Variants in BEND4 observed in about 807,000 individuals in gnomAD.
BEND4 encodes BEN domain-containing protein 4.
In BEND4, 27 loss-of-function variants were observed where a neutral mutation model predicts 54.7. The ratio of observed to expected loss-of-function variants is 0.49; its 90% CI spans 0.36 to 0.68. The LOEUF (loss-of-function observed/expected upper bound fraction) is 0.68. BEND4 is among the 30% of genes least tolerant of loss of function. The pLI is 0.00. For missense variants in BEND4, 702 were observed against 697.2 expected (o/e 1.01, Z -0.08); for synonymous variants, 327 against 299.5 (o/e 1.09, Z -0.95).
At chr4:42,123,694 G>GAAAAAAAAAAACAAAAAA (rs1553921966) in intron 4 of BEND4, among the ~76,000 whole-genome samples, 9 of 50,782 alleles carry the variant, frequency 1.8e-4, no homozygotes, top group Non-Finnish European at 2.3e-4. Flanking sequence ...CTGTAATTCA[G>GAAAAAAAAAAACAAAAAA]AAAAAAAAAA....
At chr4:42,121,362 C>T (rs1257627592) in intron 4 of BEND4, among the ~76,000 whole-genome samples, 3 of 152,212 alleles carry the variant, frequency 2.0e-5, no homozygotes, top group Non-Finnish European at 4.4e-5. Context: ...AGACTCATCA[C>T]GGCAGCATTC....
At chr4:42,138,858 C>A (rs1157191212) in intron 3 of BEND4, among the ~76,000 whole-genome samples, 1 of 152,136 alleles carries the variant, frequency 6.6e-6, no homozygotes, top group Admixed American at 6.5e-5. Flanking sequence ...GAGTTTTTCA[C>A]ATTTAGTATC....
chr4:42,130,997 A>G (rs1349793809), intron 3 of BEND4, among the ~76,000 whole-genome samples: 2 of 152,188 alleles, frequency 1.3e-5, no homozygotes, highest in Non-Finnish European at 2.9e-5. Flanking sequence ...GTTCTCACTC[A>G]TAAGTGTGAG....
rs912229491 is a variant in BEND4, at chr4:42,130,296, C to T, written c.1055-4622G>A. Among the ~76,000 whole-genome samples the T allele has an allele frequency of 7.9e-5, 12 of 151,976 alleles. No homozygotes were observed. In the East Asian group the frequency reaches 1.6e-3, roughly 20 times the overall value. ...GAGATCGAGACCATCCCAGCTAACA[C>T]GGTGAAACCCCATCTCTACTAAAAA... On this transcript the variant is annotated intron_variant, in intron 3 of 5. Coordinates refer to ENST00000502486, the MANE Select transcript of BEND4 (RefSeq NM_207406.4).
chr4:42,152,209 G>A lies in BEND4; in HGVS notation c.-66C>T. On this transcript the variant is annotated 5_prime_UTR_variant, in exon 2 of 6. Transcript: ENST00000502486. ...CCGCCGGGCGCCGGGCTCCGAGGGT[G>A]CCTCCGCCGCCTGCCCGCCGGGTCT... 8.2e-7 allele frequency: 1 copy of A among 1,225,178 alleles called. No homozygotes were observed. Among genetic ancestry groups the A allele is most frequent in the Non-Finnish European group, 1.0e-6 (1 of 976,932 alleles). 75.9% of individuals were successfully genotyped at this position (1,225,178 alleles called of 1,614,324 possible). A position where few individuals can be genotyped will look rare whatever the true frequency, so the allele number is the denominator to read the frequency against.
chr4:42,141,277 C>G (rs1720870912), intron 3 of BEND4, among the ~76,000 whole-genome samples: 1 of 152,218 alleles, frequency 6.6e-6, no homozygotes, highest in East Asian at 1.9e-4. Flanking sequence ...ATGTTCTGAA[C>G]CAAGCCTCAG....
chr4:42,137,907 C>T (rs568688880), intron 3 of BEND4, among the ~76,000 whole-genome samples: 1 of 152,252 alleles, frequency 6.6e-6, no homozygotes, highest in Admixed American at 6.5e-5. Flanking sequence ...CACTTGACAC[C>T]AGTTAGGATG....
intron 3 of BEND4, among the ~76,000 whole-genome samples, chr4:42,140,883 A>G (rs989119443): frequency 3.3e-5 from 5 of 152,202 alleles, no homozygotes; most frequent in African/African-American, 1.2e-4. Flanking sequence ...GTGGCTGATG[A>G]AAGTCTCTGT....
In BEND4 at chr4:42,151,638, T is replaced by C. The variant is rs1435157300; in HGVS notation, c.487+19A>G. ...CCCCCGGCCGTGGCGGGAAGGAAAGTTGTGCGGAGAGTTGGTACCTGCGCT... is the reference window on the plus strand; with the variant it reads ...CCCCCGGCCGTGGCGGGAAGGAAAGCTGTGCGGAGAGTTGGTACCTGCGCT... On this transcript the variant is annotated intron_variant, in intron 2 of 5. Transcript: ENST00000502486. The C allele has an allele frequency of 3.5e-6, 5 of 1,449,252 alleles. No individual in the cohort carries two copies. The highest frequency in any genetic ancestry group is 4.5e-6 in the Non-Finnish European group (5 of 1,108,156). 89.8% of individuals were successfully genotyped at this position (1,449,252 alleles called of 1,614,324 possible). A position where few individuals can be genotyped will look rare whatever the true frequency, so the allele number is the denominator to read the frequency against.
At chr4:42,147,848 T>C (rs552034323) in intron 2 of BEND4, among the ~76,000 whole-genome samples, 12 of 152,230 alleles carry the variant, frequency 7.9e-5, no homozygotes, top group South Asian at 4.2e-4. Flanking sequence ...GGATGGGAAG[T>C]AGGCAATCAA....
At chr4:42,123,827 C>T (rs943161164) in intron 4 of BEND4, among the ~76,000 whole-genome samples, 5 of 151,628 alleles carry the variant, frequency 3.3e-5, no homozygotes, top group Admixed American at 6.6e-5. Flanking sequence ...AATTCTTAGA[C>T]GTAGGAAGTA....
chr4:42,146,149 G>T (rs1014857606), intron 2 of BEND4, among the ~76,000 whole-genome samples: 1 of 152,118 alleles, frequency 6.6e-6, no homozygotes, highest in Admixed American at 6.5e-5. Flanking sequence ...CAAGATCCAA[G>T]AATTCCCCAC....
In BEND4 at chr4:42,116,999, T is replaced by C. The variant is rs1377311847; in HGVS notation, c.*519A>G. On this transcript the variant is annotated 3_prime_UTR_variant, in exon 6 of 6. Transcript: ENST00000502486. ...TCTGGTTTCCTTTTAGTAATAGACA[T>C]TATTAATGTCAAAATGGTATATGAT... is the stretch of plus-strand genomic sequence containing the variant. 2 of 152,428 alleles carry C rather than the reference T, an allele frequency of 1.3e-5. No homozygotes were observed. Among genetic ancestry groups the C allele is most frequent in the African/African-American group, 4.8e-5 (2 of 41,464 alleles). 9.4% of individuals were successfully genotyped at this position (152,428 alleles called of 1,614,324 possible).
chr4:42,118,916 T>A (rs1399522086), intron 5 of BEND4, among the ~76,000 whole-genome samples: 2 of 152,210 alleles, frequency 1.3e-5, no homozygotes, highest in Non-Finnish European at 2.9e-5. Context: ...GGAGGTGTGC[T>A]GGAGCACTTG....
intron 3 of BEND4, among the ~76,000 whole-genome samples, chr4:42,141,335 T>C (rs1313489392): frequency 6.6e-6 from 1 of 152,244 alleles, no homozygotes; most frequent in African/African-American, 2.4e-5. Context: ...TTTTGTTTCC[T>C]TGGTCTACTA....
In BEND4 at chr4:42,120,289, G is replaced by C. The variant is rs1720006701; in HGVS notation, c.1152C>G (p.Ser384Arg). The C allele has an allele frequency of 6.3e-7, 1 of 1,592,762 alleles. No individual in the cohort carries two copies. Among genetic ancestry groups the C allele is most frequent in the Non-Finnish European group, 8.6e-7 (1 of 1,162,282 alleles). The change falls in exon 5 of 6, where the codon AGC (serine) becomes AGG (arginine). Residue 384 changes from serine (S) to arginine (R), a missense_variant. Physicochemically the swap from Ser to Arg is moderately radical, Grantham distance 110 (BLOSUM62 -1). Coordinates refer to ENST00000502486, the MANE Select transcript of BEND4 (RefSeq NM_207406.4). The stretch of plus-strand genomic sequence containing the variant: ...CAGGATAGTTGTTCAACAGCTGCTT[G>C]CTTCCCTGGAAAAGCGAAATATTTT... ...PQPADQPTEG[S>R]KQLLNNYPVY...
At chr4:42,142,889 G>C (rs568162361) in intron 3 of BEND4, among the ~76,000 whole-genome samples, 9 of 152,092 alleles carry the variant, frequency 5.9e-5, no homozygotes, top group Non-Finnish European at 1.5e-5. Flanking sequence ...AAACTTCAAA[G>C]GAAAGGCAGG....
At chr4:42,131,776 A>G (rs1274048706) in intron 3 of BEND4, among the ~76,000 whole-genome samples, 1 of 151,912 alleles carries the variant, frequency 6.6e-6, no homozygotes, top group African/African-American at 2.4e-5. Context: ...GACAAGGCTC[A>G]TATTTGGTCA....
In BEND4 at chr4:42,117,121, C is replaced by A; in HGVS notation, c.*397G>T. 6.1e-6 allele frequency: 1 copy of A among 162,746 alleles called. No individual in the cohort carries two copies. The highest frequency in any genetic ancestry group is 1.3e-5 in the Non-Finnish European group (1 of 75,608). The allele number at this position is 162,746 out of a possible 1,614,324, so 10.1% of individuals were successfully genotyped here. On this transcript the variant is annotated 3_prime_UTR_variant, in exon 6 of 6. Coordinates refer to ENST00000502486, the MANE Select transcript of BEND4 (RefSeq NM_207406.4). The stretch of plus-strand genomic sequence containing the variant: ...AATTAAGAGAATGTTTGCTTCTTGT[C>A]CCTTAACACAACTCCATGTCTCCAC...
Sources: gnomAD v4.1 joint callset for allele counts (sites outside exome capture counted in the v4.1 genomes callset) on GRCh38, gnomAD v4.1.1 for gene constraint, MANE v1.5 for transcripts, NCBI Gene and HGNC (gene_info 2026-07-23, HGNC 2026-07-21) for gene names.